Variants in PLEKHH2 observed in about 807,000 individuals in gnomAD.
PLEKHH2 encodes the protein pleckstrin homology, MyTH4 and FERM domain containing H2.
Under a neutral mutation model 187.9 loss-of-function variants are expected in PLEKHH2, and 129 were observed. That is an observed-to-expected ratio of 0.69 (90% CI 0.59 to 0.79). The LOEUF (loss-of-function observed/expected upper bound fraction) is 0.79. Ranked by LOEUF, PLEKHH2 falls within the 30% of genes least tolerant of loss-of-function variation. The pLI is 0.00. For synonymous variants in PLEKHH2, 686 were observed against 605.6 expected (o/e 1.13, Z -1.95); for missense variants, 2,076 against 1,751.2 (o/e 1.19, Z -3.31).
chr2:43,714,790 G>C (rs1485360268), intron 15 of PLEKHH2, among the ~76,000 whole-genome samples: 2 of 152,150 alleles, frequency 1.3e-5, no homozygotes, highest in African/African-American at 4.8e-5. Flanking sequence ...TCCTCAGAGA[G>C]CCTCATAATC....
At chr2:43,732,515 C>T (rs566184921) in intron 19 of PLEKHH2, among the ~76,000 whole-genome samples, 18 of 152,310 alleles carry the variant, frequency 1.2e-4, no homozygotes, top group East Asian at 3.9e-4. Flanking sequence ...TGGCCTCCTT[C>T]ATCATCCCAT....
intron 2 of PLEKHH2, among the ~76,000 whole-genome samples, chr2:43,677,192 T>C (rs1462303806): frequency 6.7e-6 from 1 of 150,116 alleles, no homozygotes; most frequent in Non-Finnish European, 1.5e-5. Flanking sequence ...AAACTGATGA[T>C]GACTTTATGA....
chr2:43,731,470 A>G lies in PLEKHH2; in HGVS notation c.2831-20A>G, dbSNP rs1671033676. ...AAGTGGTTTATTCAGTTTTCTGTTC[A>G]TATTTTATTCTGCATTTAGCCTCTC... On this transcript the variant is annotated intron_variant, in intron 18 of 29. Transcript: ENST00000282406. The G allele has an allele frequency of 4.8e-6, 7 of 1,462,470 alleles. No individual in the cohort carries two copies. The highest frequency in any genetic ancestry group is 6.7e-6 in the Non-Finnish European group (7 of 1,046,382). The allele number at this position is 1,462,470 out of a possible 1,614,324, so 90.6% of individuals were successfully genotyped here. A position where few individuals can be genotyped will look rare whatever the true frequency, so the allele number is the denominator to read the frequency against.
intron 23 of PLEKHH2, 38 bp downstream of exon 23, chr2:43,744,027 A>G: frequency 6.3e-7 from 1 of 1,597,806 alleles, no homozygotes; most frequent in East Asian, 2.2e-5. Flanking sequence ...AGCCCAACGA[A>G]CAGCAAAGAA....
At chr2:43,649,638 G>A (rs1666370394) in intron 2 of PLEKHH2, among the ~76,000 whole-genome samples, 1 of 152,186 alleles carries the variant, frequency 6.6e-6, no homozygotes, top group Non-Finnish European at 1.5e-5. Context: ...CTTGCCTAAT[G>A]TTTCACAGTG....
At chr2:43,650,108 T>C (rs745383454) in intron 2 of PLEKHH2, among the ~76,000 whole-genome samples, 1 of 151,750 alleles carries the variant, frequency 6.6e-6, no homozygotes, top group Non-Finnish European at 1.5e-5. Flanking sequence ...AAGCCTGATA[T>C]GGGACCATAG....
chr2:43,694,624 G>A (rs940733227), intron 5 of PLEKHH2, 110 bp downstream of exon 5: 4 of 1,151,410 alleles, frequency 3.5e-6, no homozygotes, highest in African/African-American at 1.6e-5. Context: ...TGATCGGTTG[G>A]TGATACTGCT....
At position 43,681,175 on chromosome 2, in the gene PLEKHH2, G is replaced by A. The variant is rs113508042; in HGVS notation, c.186+2250G>A. 4.0e-4 allele frequency: 277 copies of A among 695,580 alleles called. 2 individuals are homozygous for A. In the African/African-American group the frequency reaches 4.6e-3, roughly 12 times the overall value. 43.1% of individuals were successfully genotyped at this position (695,580 alleles called of 1,614,324 possible). ...TAATGCCACTCAGAACATCCTTTTG[G>A]TCCACCACTATTCCTCAAAGAATAC... On this transcript the variant is annotated intron_variant, in intron 3 of 29. Transcript: ENST00000282406.
At chr2:43,763,759 A>G (rs1231168799) in intron 28 of PLEKHH2, among the ~76,000 whole-genome samples, 1 of 152,120 alleles carries the variant, frequency 6.6e-6, no homozygotes, top group Admixed American at 6.5e-5. Flanking sequence ...TATGTGACAA[A>G]GGGTTAATAC....
Position 43,757,122 on chromosome 2 carries a change from G to A in PLEKHH2, c.3799G>A (p.Glu1267Lys). Residue 1267 changes from glutamate to lysine, a missense_variant, in exon 26 of 30, where the codon GAG becomes AAG. Glu to Lys is a moderately conservative substitution (Grantham distance 56, BLOSUM62 1). Transcript: ENST00000282406. ...ACTTTTGTGGATTTCCAATTAGGTA[G>A]AGATTGGAGATTTTGAAAGACCTTT... ...LEMAALLSQV[E>K]IGDFERPFST... 5 of 1,570,640 alleles carry A rather than the reference G, an allele frequency of 3.2e-6. No homozygotes were observed. Among genetic ancestry groups the A allele is most frequent in the Non-Finnish European group, 4.3e-6 (5 of 1,163,852 alleles).
intron 16 of PLEKHH2, 122 bp downstream of exon 16, chr2:43,720,871 G>A: frequency 2.1e-6 from 3 of 1,400,794 alleles, no homozygotes; most frequent in South Asian, 1.5e-5. Context: ...TTGAAATTTG[G>A]TATAATTTGG....
rs539661371 is a variant in PLEKHH2, at chr2:43,655,039, T to C, written c.123+10243T>C. 3.3e-4 allele frequency among the ~76,000 whole-genome samples: 50 copies of C among 151,026 alleles called. No individual in the cohort carries two copies. In the South Asian group the frequency reaches 0.01, roughly 32 times the overall value. On this transcript the variant is annotated intron_variant, in intron 2 of 29. Transcript: ENST00000282406. ...GAGTGAGACTCCATCTCAAAAAAAT[T>C]AAAATAAAGAAATCAAAATTAGCCA...
At chr2:43,741,958 GT>G (rs1181188711) in intron 21 of PLEKHH2, among the ~76,000 whole-genome samples, 2 of 151,806 alleles carry the variant, frequency 1.3e-5, no homozygotes, top group Non-Finnish European at 2.9e-5. Flanking sequence ...CAAATGCAGT[GT>G]TTTTTATAGA....
At chr2:43,735,165 G>A (rs1671227641) in intron 19 of PLEKHH2, among the ~76,000 whole-genome samples, 1 of 152,082 alleles carries the variant, frequency 6.6e-6, no homozygotes, top group South Asian at 2.1e-4. Flanking sequence ...ACTCCAGCCT[G>A]GGTGACAGAG....
chr2:43,710,710 G>T, intron 14 of PLEKHH2, 135 bp downstream of exon 14: 5 of 1,436,884 alleles, frequency 3.5e-6, no homozygotes, highest in Non-Finnish European at 4.5e-6. Context: ...TTGATGCCTT[G>T]GAAGTATGTG....
intron 27 of PLEKHH2, 117 bp downstream of exon 27, chr2:43,759,146 G>A: frequency 7.2e-7 from 1 of 1,380,396 alleles, no homozygotes; most frequent in Non-Finnish European, 9.6e-7. Flanking sequence ...ATCCAATAAT[G>A]TAAAGAAAAC....
chr2:43,745,565 G>C (rs531137440), intron 23 of PLEKHH2, among the ~76,000 whole-genome samples: 2 of 152,194 alleles, frequency 1.3e-5, no homozygotes, highest in South Asian at 4.2e-4. Flanking sequence ...ACCAAATCAT[G>C]GAAAAATCCC....
rs1671027748 is a variant in PLEKHH2 at position 43,731,365 on chromosome 2, C to G, written c.2831-125C>G. On this transcript the variant is annotated intron_variant, in intron 18 of 29. Coordinates refer to ENST00000282406, the MANE Select transcript of PLEKHH2 (RefSeq NM_172069.4). ...AATAATGTTGCCAAAGAGTTTTTTT[C>G]TGACCTTTGTGACTTAAAGTTGTGA... 1.6e-5 allele frequency: 10 copies of G among 635,284 alleles called. No homozygotes were observed. In the Middle Eastern group the frequency reaches 9.5e-4, roughly 60 times the overall value. 39.4% of individuals were successfully genotyped at this position (635,284 alleles called of 1,614,324 possible). A position where few individuals can be genotyped will look rare whatever the true frequency, so the allele number is the denominator to read the frequency against.
intron 24 of PLEKHH2, among the ~76,000 whole-genome samples, chr2:43,751,926 C>CTTTTTTTTTTT (rs1191371733): frequency 2.1e-5 from 3 of 139,870 alleles, no homozygotes; most frequent in African/African-American, 8.0e-5. Flanking sequence ...CTCTCTCTCT[C>CTTTTTTTTTTT]TTTTTTTTTT....
Sources: gnomAD v4.1 joint callset for allele counts (sites outside exome capture counted in the v4.1 genomes callset) on GRCh38, gnomAD v4.1.1 for gene constraint, MANE v1.5 for transcripts, NCBI Gene and HGNC (gene_info 2026-07-23, HGNC 2026-07-21) for gene names.